RBFOX1: variants seen among roughly 807,000 people sequenced by gnomAD.
RBFOX1 encodes RNA binding protein fox-1 homolog 1.
Under a neutral mutation model 57.7 loss-of-function variants are expected in RBFOX1, and 8 were observed. The ratio of observed to expected loss-of-function variants is 0.14; its 90% CI spans 0.08 to 0.25. The LOEUF (loss-of-function observed/expected upper bound fraction) is 0.25. RBFOX1 is among the 10% of genes least tolerant of loss of function. The probability of loss-of-function intolerance (pLI) is 1.00; values close to 1 mark genes in which losing one functional copy is unlikely to be tolerated. For missense variants in RBFOX1, 611 were observed against 548.5 expected (o/e 1.11, Z -1.14); for synonymous variants, 326 against 222.4 (o/e 1.47, Z -4.15).
intron 3 of RBFOX1, among the ~76,000 whole-genome samples, chr16:6,861,700 G>A (rs932687238): frequency 4.0e-5 from 6 of 151,674 alleles, no homozygotes; most frequent in East Asian, 1.9e-4. Flanking sequence ...GGTCAAATTC[G>A]TTTTGGAAGG....
chr16:6,949,250 C>T lies in RBFOX1; in HGVS notation c.-15-102807C>T, dbSNP rs552268288. On this transcript the variant is annotated intron_variant, in intron 3 of 15. Coordinates refer to ENST00000550418, the MANE Select transcript of RBFOX1 (RefSeq NM_018723.4). ...AGCCTATAAAAAGCACCTTCATCAA[C>T]AAGAAACAGGCTCAATTTCACAAAA... 1.5e-3 allele frequency among the ~76,000 whole-genome samples: 227 copies of T among 152,222 alleles called. 1 individual carries two copies. Among genetic ancestry groups the T allele is most frequent in the Non-Finnish European group, 2.4e-3 (164 of 68,012 alleles).
At chr16:6,821,334 G>C (rs1355073407) in intron 3 of RBFOX1, among the ~76,000 whole-genome samples, 2 of 152,004 alleles carry the variant, frequency 1.3e-5, no homozygotes, top group African/African-American at 4.8e-5. Flanking sequence ...GACATGTTTT[G>C]TCCCCAAATT....
At chr16:6,686,325 C>T (rs140517655) in intron 3 of RBFOX1, among the ~76,000 whole-genome samples, 31 of 152,298 alleles carry the variant, frequency 2.0e-4, no homozygotes, top group African/African-American at 7.0e-4. Flanking sequence ...TGGGCTTAGT[C>T]TGAGCCCTCG....
At chr16:6,047,543 G>C (rs1296493699) in intron 1 of RBFOX1, among the ~76,000 whole-genome samples, 1 of 152,224 alleles carries the variant, frequency 6.6e-6, no homozygotes, top group Non-Finnish European at 1.5e-5. Context: ...TCCATCTGCA[G>C]CAAGGGCAGA....
chr16:7,624,515 G>C (rs1317365190), intron 10 of RBFOX1, among the ~76,000 whole-genome samples: 1 of 152,186 alleles, frequency 6.6e-6, no homozygotes, highest in Non-Finnish European at 1.5e-5. Context: ...AAAGCACATG[G>C]AGTTCAACAG....
intron 4 of RBFOX1, among the ~76,000 whole-genome samples, chr16:7,177,655 C>T (rs373808058): frequency 1.8e-4 from 28 of 152,172 alleles, no homozygotes; most frequent in East Asian, 1.7e-3. Context: ...TAGATTGAAC[C>T]AGGAGGTAGG....
At chr16:6,817,725 A>C (rs531288114) in intron 3 of RBFOX1, among the ~76,000 whole-genome samples, 215 of 152,098 alleles carry the variant, frequency 1.4e-3, no homozygotes, top group African/African-American at 5.0e-3. Context: ...AACAAACAAA[A>C]AAAACTACCA....
At chr16:5,613,335 C>G (rs1011251491) in intron 3 of RBFOX1, among the ~76,000 whole-genome samples, 2 of 152,148 alleles carry the variant, frequency 1.3e-5, no homozygotes, top group Non-Finnish European at 2.9e-5. Flanking sequence ...ATAAGCCTAC[C>G]AGGTTCTTGA....
At chr16:6,824,625 A>C (rs1683066692) in intron 3 of RBFOX1, among the ~76,000 whole-genome samples, 1 of 152,200 alleles carries the variant, frequency 6.6e-6, no homozygotes, top group South Asian at 2.1e-4. Context: ...GATTACTCTG[A>C]AGAGAAAATC....
At chr16:7,000,578 T>C (rs1568306866) in intron 3 of RBFOX1, among the ~76,000 whole-genome samples, 93 of 102,132 alleles carry the variant, frequency 9.1e-4, no homozygotes, top group African/African-American at 4.1e-3. Context: ...TCTTTTCTTT[T>C]TTTCTTTCTT....
chr16:5,299,713 T>A (rs1465619756), intron 1 of RBFOX1, among the ~76,000 whole-genome samples: 1 of 152,218 alleles, frequency 6.6e-6, no homozygotes, highest in Admixed American at 6.5e-5. Flanking sequence ...GGTTTTTTGA[T>A]GTATACAATC....
rs368412737 is a variant in RBFOX1, at chr16:6,759,902, A to G, written c.-16+105252A>G. On this transcript the variant is annotated intron_variant, in intron 3 of 15. Transcript: ENST00000550418. ...ATGAAATCAAGTATGGTATAAGGCT[A>G]CAGTGGAATTCTCATTAGTTTATTA... Among the ~76,000 whole-genome samples the G allele has an allele frequency of 1.6e-4, 25 of 152,320 alleles. No homozygotes were observed. The South Asian group carries it at 5.0e-3, about 30-fold the overall frequency.
In RBFOX1 at chr16:6,405,508, C is replaced by A. The variant is rs1052593917; in HGVS notation, c.-64+88451C>A. The stretch of plus-strand genomic sequence containing the variant: ...TTTGTCAGCATGATGGGAAAGAAAA[C>A]ATGGAGAATTGTACACCAGCTGATC... On this transcript the variant is annotated intron_variant, in intron 2 of 15. Transcript: ENST00000550418. Among the ~76,000 whole-genome samples the A allele has an allele frequency of 3.5e-4, 54 of 152,166 alleles. 1 individual carries two copies. Among genetic ancestry groups the A allele is most frequent in the African/African-American group, 1.3e-3 (54 of 41,440 alleles).
intron 1 of RBFOX1, among the ~76,000 whole-genome samples, chr16:5,347,331 A>G (rs2065162191): frequency 6.6e-6 from 1 of 152,148 alleles, no homozygotes. Flanking sequence ...GTTGCTCAAC[A>G]AATACTTGAA....
chr16:6,884,268 G>A (rs577607282), intron 3 of RBFOX1, among the ~76,000 whole-genome samples: 2 of 152,144 alleles, frequency 1.3e-5, no homozygotes, highest in African/African-American at 4.8e-5. Context: ...TATGTGTCCA[G>A]CTTTCCAAAC....
intron 4 of RBFOX1, among the ~76,000 whole-genome samples, chr16:7,301,622 G>A (rs1285356379): frequency 2.6e-5 from 4 of 152,084 alleles, no homozygotes; most frequent in Admixed American, 6.5e-5. Flanking sequence ...TCATTAAACC[G>A]TTCAGATAAA....
chr16:6,549,959 T>G (rs2096960816), intron 2 of RBFOX1, among the ~76,000 whole-genome samples: 2 of 152,148 alleles, frequency 1.3e-5, no homozygotes, highest in South Asian at 4.1e-4. Context: ...TTGGCTGGCT[T>G]TGCTTTTACA....
intron 14 of RBFOX1, among the ~76,000 whole-genome samples, chr16:7,690,526 A>G (rs1361666864): frequency 1.3e-5 from 2 of 152,216 alleles, no homozygotes; most frequent in South Asian, 4.1e-4. Context: ...AATCAGGTGC[A>G]TTTTGAAGTT....
rs113427701 is a variant in RBFOX1, at chr16:6,228,477, G to A, written c.-126-88518G>A. ...TATACATGCCATGAAATACAATTCA[G>A]CCTTCAAAAAAGAAGGAAATTCTGC... On this transcript the variant is annotated intron_variant, in intron 1 of 15. Transcript: ENST00000550418. 6.4e-3 allele frequency among the ~76,000 whole-genome samples: 976 copies of A among 151,940 alleles called. 17 individuals carry two copies. The highest frequency in any genetic ancestry group is 0.022 in the African/African-American group (925 of 41,420).
Sources: allele counts gnomAD v4.1 joint callset (sites outside exome capture counted in the v4.1 genomes callset), GRCh38; gene constraint gnomAD v4.1.1; transcripts MANE v1.5; gene names NCBI Gene and HGNC (gene_info 2026-07-23, HGNC 2026-07-21).